Variants in AAMDC observed in about 807,000 individuals in gnomAD.
The protein encoded by AAMDC is adipogenesis associated Mth938 domain containing.
AAMDC carries 16 observed loss-of-function variants against 15.5 expected under a neutral mutation model. That is an observed-to-expected ratio of 1.03 (90% CI 0.70 to 1.57). AAMDC has a LOEUF of 1.57. Among genes scored for constraint, AAMDC ranks in the 40% most tolerant of loss-of-function variants. The probability of loss-of-function intolerance (pLI) is 0.00; values close to 1 mark genes in which losing one functional copy is unlikely to be tolerated. For missense variants in AAMDC, 141 were observed against 144.9 expected (o/e 0.97, Z 0.14); for synonymous variants, 51 against 51.6 (o/e 0.99, Z 0.05).
intron 1 of AAMDC, among the ~76,000 whole-genome samples, chr11:77,832,814 C>G (rs1949494353): frequency 6.6e-6 from 1 of 151,588 alleles, no homozygotes; most frequent in Non-Finnish European, 1.5e-5. Context: ...CATTTGTGCT[C>G]TGTAACAGCA....
chr11:77,868,343 C>T (rs186284494), intron 2 of AAMDC, among the ~76,000 whole-genome samples: 1,827 of 149,920 alleles, frequency 0.012, 14 homozygotes, highest in Middle Eastern at 0.032. Context: ...GTGTGAGCCA[C>T]CACGCCCAGC....
At chr11:77,852,183 G>A (rs1351309047) in intron 2 of AAMDC, among the ~76,000 whole-genome samples, 1 of 117,340 alleles carries the variant, frequency 8.5e-6, no homozygotes. Flanking sequence ...AGGCTGCAGT[G>A]AGCTTCACTC....
intron 1 of AAMDC, among the ~76,000 whole-genome samples, chr11:77,834,790 T>C (rs577010605): frequency 6.6e-6 from 1 of 152,290 alleles, no homozygotes; most frequent in South Asian, 2.1e-4. Flanking sequence ...ATGTTTCTAG[T>C]ATCAAGATAA....
chr11:77,901,592 A>T (rs1434722831), downstream of AAMDC: 2 of 1,485,748 alleles, frequency 1.3e-6, no homozygotes, highest in Non-Finnish European at 1.9e-6. Context: ...AAAATATCAT[A>T]GTCTTACTTG....
chr11:77,833,381 T>C (rs1399363813), intron 1 of AAMDC, among the ~76,000 whole-genome samples: 2 of 152,088 alleles, frequency 1.3e-5, no homozygotes, highest in Non-Finnish European at 2.9e-5. Context: ...AGGCATTAGA[T>C]TTTCATAAGG....
At chr11:77,862,714 G>C (rs991953973) in intron 2 of AAMDC, among the ~76,000 whole-genome samples, 12 of 152,260 alleles carry the variant, frequency 7.9e-5, no homozygotes, top group African/African-American at 2.4e-4. Flanking sequence ...AAGAAAGTTT[G>C]TACATATGGC....
At chr11:77,860,936 C>G (rs986212086) in intron 2 of AAMDC, among the ~76,000 whole-genome samples, 1 of 152,118 alleles carries the variant, frequency 6.6e-6, no homozygotes, top group Admixed American at 6.6e-5. Flanking sequence ...TTCTATACCC[C>G]TAAAATTGGA....
intron 3 of AAMDC, 35 bp from the exon 4 acceptor site, chr11:77,872,139 TC>T: frequency 6.3e-7 from 1 of 1,596,060 alleles, no homozygotes; most frequent in Non-Finnish European, 8.5e-7. Flanking sequence ...GGGGGGCCTT[TC>T]CCCCTACTTA....
rs147735547 is a variant in AAMDC at position 77,858,346 on chromosome 11, A to G, written c.133-11376A>G. Reference sequence around the variant, plus strand: ...TTTTTTTGTAGTTGCAAGGTTTAATAGAGTGAAAACAGAGCTCCCATACAA... The same window carrying G: ...TTTTTTTGTAGTTGCAAGGTTTAATGGAGTGAAAACAGAGCTCCCATACAA... On this transcript the variant is annotated intron_variant, in intron 2 of 3. Coordinates refer to ENST00000393427, the MANE Select transcript of AAMDC (RefSeq NM_024684.4). Among the ~76,000 whole-genome samples the G allele has an allele frequency of 3.7e-3, 430 of 116,840 alleles. 2 individuals are homozygous for G. The highest frequency in any genetic ancestry group is 0.013 in the African/African-American group (402 of 30,494). 76.7% of individuals were successfully genotyped at this position (116,840 alleles called of 152,430 possible).
At chr11:77,868,763 C>A in intron 2 of AAMDC, 1 of 234,462 alleles carries the variant, frequency 4.3e-6, no homozygotes, top group South Asian at 8.0e-5. Flanking sequence ...GGCTCCTTCC[C>A]ACTGGTTCTT....
At chr11:77,829,294 C>T (rs1172170763) in intron 1 of AAMDC, among the ~76,000 whole-genome samples, 5 of 152,174 alleles carry the variant, frequency 3.3e-5, no homozygotes, top group African/African-American at 1.2e-4. Context: ...AGATACCAGT[C>T]AGGCCAGCAC....
intron 5 of AAMDC, among the ~76,000 whole-genome samples, chr11:77,895,645 G>C (rs1381343086): frequency 2.0e-5 from 3 of 151,250 alleles, no homozygotes; most frequent in Non-Finnish European, 4.4e-5. Flanking sequence ...ACCACAAGGA[G>C]TGAGAGGGCT....
intron 2 of AAMDC, among the ~76,000 whole-genome samples, chr11:77,860,063 G>A (rs1037407099): frequency 1.2e-4 from 19 of 152,174 alleles, no homozygotes; most frequent in African/African-American, 4.3e-4. Flanking sequence ...TCTTACTCAG[G>A]TATGCCACAG....
At chr11:77,843,334 G>T (rs1950012472) in intron 2 of AAMDC, among the ~76,000 whole-genome samples, 1 of 152,082 alleles carries the variant, frequency 6.6e-6, no homozygotes, top group African/African-American at 2.4e-5. Context: ...GTGTAAGTTG[G>T]GCAAAACAAG....
intron 2 of AAMDC, among the ~76,000 whole-genome samples, chr11:77,861,758 C>T (rs780294922): frequency 5.9e-5 from 9 of 152,192 alleles, no homozygotes; most frequent in South Asian, 2.1e-4. Flanking sequence ...CTCCAAAGTC[C>T]GCTTGCCTGA....
chr11:77,828,870 T>C (rs1263662688), intron 1 of AAMDC, among the ~76,000 whole-genome samples: 6 of 152,144 alleles, frequency 3.9e-5, no homozygotes, highest in Non-Finnish European at 7.3e-5. Context: ...AATTGACAAG[T>C]TGATCCTAAT....
chr11:77,861,689 G>A (rs777562755), intron 2 of AAMDC, among the ~76,000 whole-genome samples: 7 of 152,118 alleles, frequency 4.6e-5, no homozygotes, highest in Admixed American at 6.5e-5. Flanking sequence ...CTTGTAGACC[G>A]CACTGGAAGC....
intron 2 of AAMDC, among the ~76,000 whole-genome samples, chr11:77,856,665 C>T (rs1221138253): frequency 1.3e-5 from 2 of 152,082 alleles, no homozygotes; most frequent in African/African-American, 4.8e-5. Flanking sequence ...GCTGGCACAT[C>T]TTACATGGCT....
At chr11:77,882,867 T>G (rs1177285405) in intron 5 of AAMDC, among the ~76,000 whole-genome samples, 4 of 152,162 alleles carry the variant, frequency 2.6e-5, no homozygotes, top group Non-Finnish European at 5.9e-5. Flanking sequence ...GGTCAGGAGT[T>G]CGAGACTAGC....
Sources: gnomAD v4.1 joint callset for allele counts (sites outside exome capture counted in the v4.1 genomes callset) on GRCh38, gnomAD v4.1.1 for gene constraint, MANE v1.5 for transcripts, NCBI Gene and HGNC (gene_info 2026-07-23, HGNC 2026-07-21) for gene names.